EIF4E3: variants seen among roughly 807,000 people sequenced by gnomAD.
EIF4E3 encodes eukaryotic translation initiation factor 4E family member 3, also known as eukaryotic translation initiation factor 4E type 3.
Under a neutral mutation model 31.7 loss-of-function variants are expected in EIF4E3, and 26 were observed. That is an observed-to-expected ratio of 0.82 (90% CI 0.60 to 1.14). The LOEUF is 1.14. Among genes scored for constraint, EIF4E3 ranks in the 50% most tolerant of loss-of-function variants. EIF4E3 has a pLI of 0.00. For synonymous variants in EIF4E3, 128 were observed against 107.7 expected (o/e 1.19, Z -1.17); for missense variants, 304 against 270.9 (o/e 1.12, Z -0.86).
rs2048947914 is a variant in EIF4E3, at chr3:71,683,443, C to T, written c.*1239G>A. The T allele has an allele frequency of 6.6e-6, 1 of 152,218 alleles. No individual in the cohort carries two copies. The highest frequency in any genetic ancestry group is 2.4e-5 in the African/African-American group (1 of 41,454). 9.4% of individuals were successfully genotyped at this position (152,218 alleles called of 1,614,324 possible). ...TTTATCAGGCAAAAGCAGCCAAAGG[C>T]TTGGCAAAGTCAGGAGAGGGAAATC... On this transcript the variant is annotated 3_prime_UTR_variant, in exon 7 of 7. Coordinates refer to ENST00000425534, the MANE Select transcript of EIF4E3 (RefSeq NM_001134651.2).
At chr3:71,718,297 T>C (rs898706532) in intron 1 of EIF4E3, among the ~76,000 whole-genome samples, 2 of 152,262 alleles carry the variant, frequency 1.3e-5, no homozygotes, top group African/African-American at 4.8e-5. Flanking sequence ...TCCTGTCTGA[T>C]CAAGAGTCGC....
the EIF4E3 span, among the ~76,000 whole-genome samples, chr3:71,664,789 T>A: frequency 6.6e-6 from 1 of 152,128 alleles, no homozygotes; most frequent in Non-Finnish European, 1.5e-5. Flanking sequence ...GCATGAGAAC[T>A]GCTTGAGCCT....
intron 2 of EIF4E3, among the ~76,000 whole-genome samples, chr3:71,701,806 C>T (rs1016040259): frequency 9.9e-5 from 15 of 152,176 alleles, no homozygotes; most frequent in East Asian, 3.8e-4. Flanking sequence ...CAAAAAACTA[C>T]AGGATGACAG....
chr3:71,709,087 TAA>T (rs1001067987), intron 2 of EIF4E3, among the ~76,000 whole-genome samples: 1 of 148,406 alleles, frequency 6.7e-6, no homozygotes, highest in Non-Finnish European at 1.5e-5. Flanking sequence ...GACCATAGCC[TAA>T]AAAAAAAATG....
intron 3 of EIF4E3, 58 bp downstream of exon 3, chr3:71,699,556 T>C: frequency 2.1e-6 from 3 of 1,432,384 alleles, no homozygotes; most frequent in Non-Finnish European, 2.9e-6. Flanking sequence ...TGATCTTTTA[T>C]GAGGTTCACA....
downstream of EIF4E3, among the ~76,000 whole-genome samples, chr3:71,672,232 AT>A (rs1449922197): frequency 1.3e-5 from 2 of 151,974 alleles, no homozygotes; most frequent in Admixed American, 6.6e-5. Context: ...TCACCGGGCG[AT>A]TTTTTTTAAC....
rs923738603 is a variant in EIF4E3 at position 71,676,938 on chromosome 3, C to T, written c.*7744G>A. On this transcript the variant is annotated 3_prime_UTR_variant, in exon 7 of 7. Coordinates refer to ENST00000425534, the MANE Select transcript of EIF4E3 (RefSeq NM_001134651.2). The stretch of plus-strand genomic sequence containing the variant: ...AAGATCTGAAACCTTTCTCTAGGTC[C>T]ATACTTTATATAATCCTATATGTGC... 6 of 152,086 alleles carry T rather than the reference C, an allele frequency of 3.9e-5. No individual in the cohort carries two copies. The highest frequency in any genetic ancestry group is 1.4e-4 in the African/African-American group (6 of 41,406). The allele number at this position is 152,086 out of a possible 1,614,324, so 9.4% of individuals were successfully genotyped here.
intron 6 of EIF4E3, among the ~76,000 whole-genome samples, chr3:71,686,578 G>A (rs1193697069): frequency 6.7e-6 from 1 of 149,018 alleles, no homozygotes; most frequent in Non-Finnish European, 1.5e-5. Context: ...GTGTGTGTGT[G>A]TTTTCTTTTT....
At chr3:71,670,087 C>T in the EIF4E3 span, among the ~76,000 whole-genome samples, 10 of 152,200 alleles carry the variant, frequency 6.6e-5, no homozygotes, top group Admixed American at 1.3e-4. Flanking sequence ...TGTCTATCAG[C>T]GGGACTAGTG....
chr3:71,704,572 A>C (rs907975718), intron 2 of EIF4E3, among the ~76,000 whole-genome samples: 3 of 152,196 alleles, frequency 2.0e-5, no homozygotes, highest in Admixed American at 2.0e-4. Flanking sequence ...TGGAGCTTGA[A>C]ATTGCTAGAA....
intron 1 of EIF4E3, among the ~76,000 whole-genome samples, chr3:71,751,264 A>G (rs1047991292): frequency 6.6e-6 from 1 of 152,148 alleles, no homozygotes; most frequent in Admixed American, 6.5e-5. Flanking sequence ...CAGCTCTTAC[A>G]CTTACTTGAA....
At chr3:71,747,519 C>A (rs1005788859) in intron 1 of EIF4E3, among the ~76,000 whole-genome samples, 1 of 152,130 alleles carries the variant, frequency 6.6e-6, no homozygotes, top group Non-Finnish European at 1.5e-5. Context: ...GGATACAAGT[C>A]CCCCATCAGA....
At chr3:71,749,413 C>T (rs1187734526) in intron 1 of EIF4E3, among the ~76,000 whole-genome samples, 1 of 152,212 alleles carries the variant, frequency 6.6e-6, no homozygotes, top group Non-Finnish European at 1.5e-5. Context: ...ATCCAACATC[C>T]ACTGGGCCTA....
At chr3:71,716,734 T>C (rs909185640) in intron 1 of EIF4E3, among the ~76,000 whole-genome samples, 4 of 152,188 alleles carry the variant, frequency 2.6e-5, no homozygotes, top group Non-Finnish European at 5.9e-5. Context: ...CACCATTGGT[T>C]AGTGGCAGAT....
At chr3:71,692,911 T>C (rs2049083443) in intron 5 of EIF4E3, among the ~76,000 whole-genome samples, 1 of 152,080 alleles carries the variant, frequency 6.6e-6, no homozygotes, top group Non-Finnish European at 1.5e-5. Flanking sequence ...TTATCTTAAC[T>C]GAATAAAAAG....
Position 71,682,437 on chromosome 3 carries a change from TTAATC to T in EIF4E3, c.*2240_*2244del, listed in dbSNP as rs2048935135. The T allele has an allele frequency of 6.6e-6, 1 of 152,214 alleles. No individual in the cohort carries two copies. The highest frequency in any genetic ancestry group is 2.4e-5 in the African/African-American group (1 of 41,462). The allele number at this position is 152,214 out of a possible 1,614,324, so 9.4% of individuals were successfully genotyped here. A position where few individuals can be genotyped will look rare whatever the true frequency, so the allele number is the denominator to read the frequency against. ...CTATCTCAAAACAGTATTAGCTTCT[TTAATC>T]TAAGAAGGTAATGAGAGGTTTTTAA... On this transcript the variant is annotated 3_prime_UTR_variant, in exon 7 of 7. Transcript: ENST00000425534.
intron 6 of EIF4E3, among the ~76,000 whole-genome samples, chr3:71,685,913 T>C (rs1457290413): frequency 6.6e-6 from 1 of 152,224 alleles, no homozygotes; most frequent in Non-Finnish European, 1.5e-5. Context: ...TAGCAGTGAA[T>C]GGGGTTCTAG....
At chr3:71,697,180 TA>T (rs1287393724) in intron 3 of EIF4E3, among the ~76,000 whole-genome samples, 1 of 152,112 alleles carries the variant, frequency 6.6e-6, no homozygotes, top group Non-Finnish European at 1.5e-5. Flanking sequence ...CACACCTGGC[TA>T]ATTTTTAAAA....
At chr3:71,664,695 G>T in the EIF4E3 span, among the ~76,000 whole-genome samples, 1 of 152,110 alleles carries the variant, frequency 6.6e-6, no homozygotes, top group Admixed American at 6.5e-5. Flanking sequence ...CCAACATGAT[G>T]AAATCCCATC....
Sources: gnomAD v4.1 joint callset for allele counts (sites outside exome capture counted in the v4.1 genomes callset) on GRCh38, gnomAD v4.1.1 for gene constraint, MANE v1.5 for transcripts, NCBI Gene and HGNC (gene_info 2026-07-23, HGNC 2026-07-21) for gene names.